Variants in UNC80 observed in about 807,000 individuals in gnomAD.
UNC80 encodes the protein unc-80 subunit of NALCN channel complex.
UNC80 carries 164 observed loss-of-function variants against 384.6 expected under a neutral mutation model. That is an observed-to-expected ratio of 0.43 (90% CI 0.38 to 0.49). The LOEUF is 0.49. Among genes scored for constraint, UNC80 ranks in the 20% least tolerant of loss-of-function variants. The pLI, the probability that UNC80 is intolerant of heterozygous loss-of-function variation, is 0.00. For missense variants in UNC80, 3,330 were observed against 4,143.0 expected, an observed-to-expected ratio of 0.80 and a Z score of 5.39; for synonymous variants, 1,486 against 1,527.8, an observed-to-expected ratio of 0.97 and a Z score of 0.64.
chr2:209,969,775 G>T lies in UNC80; in HGVS notation c.8014G>T (p.Val2672Phe). 6.4e-7 allele frequency: 1 copy of T among 1,551,676 alleles called. No homozygotes were observed. Among genetic ancestry groups the T allele is most frequent in the Admixed American group, 2.0e-5 (1 of 51,004 alleles). ...IHKMPTLRRQ[V>F]EWEPASNLIE... ...GCCTATATTGTATTCCAGGCGACAG[G>T]TTGAGTGGGAGCCTGCCAGCAATTT... Residue 2672 changes from valine to phenylalanine, a missense_variant, in exon 53 of 65, where the codon GTT becomes TTT. This residue lies in a region of UNC80 where 1,049 missense variants were observed against 1,488.6 expected (regional missense o/e 0.70). Coordinates refer to ENST00000673920, the MANE Select transcript of UNC80 (RefSeq NM_001371986.1).
At position 209,973,284 on chromosome 2, in the gene UNC80, C is replaced by G; in HGVS notation, c.8587+14C>G. The G allele has an allele frequency of 2.0e-6, 3 of 1,493,780 alleles. No individual in the cohort carries two copies. Among genetic ancestry groups the G allele is most frequent in the Non-Finnish European group, 2.7e-6 (3 of 1,107,660 alleles). 92.5% of individuals were successfully genotyped at this position (1,493,780 alleles called of 1,614,324 possible). On this transcript the variant is annotated intron_variant, in intron 56 of 64. Coordinates refer to ENST00000673920, the MANE Select transcript of UNC80 (RefSeq NM_001371986.1). Reference sequence around the variant, plus strand: ...CAGCATACTTGGGTTGGTACTTTCTCTCTCTCTCTCTCTGTTTGTGCATGT... The same window carrying G: ...CAGCATACTTGGGTTGGTACTTTCTGTCTCTCTCTCTCTGTTTGTGCATGT...
rs1309930722 is a variant in UNC80, at chr2:209,978,569, C to T, written c.8979C>T (p.Ser2993=). The T allele has an allele frequency of 2.6e-6, 4 of 1,551,102 alleles. No individual in the cohort carries two copies. Among genetic ancestry groups the T allele is most frequent in the Non-Finnish European group, 3.5e-6 (4 of 1,146,550 alleles). The change falls in exon 59 of 65, where the codon TCC becomes TCT. Residue 2993 remains serine, a synonymous_variant. Coordinates refer to ENST00000673920, the MANE Select transcript of UNC80 (RefSeq NM_001371986.1). ...CATCCATCAGTACCGTGGGCACCTC[C>T]ACCTCTGCTTACCGCCTGAGCTTGG... ...GKTSISTVGT[S]TSAYRLSLAT... is the part of the protein sequence containing the mutation.
At chr2:209,943,942 G>T (rs1395882913) in intron 45 of UNC80, among the ~76,000 whole-genome samples, 5 of 152,140 alleles carry the variant, frequency 3.3e-5, no homozygotes, top group Admixed American at 3.3e-4. Flanking sequence ...CCTGACTTAG[G>T]CTGGCTTCCT....
intron 39 of UNC80, among the ~76,000 whole-genome samples, chr2:209,935,173 A>G (rs917364535): frequency 6.6e-6 from 1 of 152,196 alleles, no homozygotes; most frequent in East Asian, 1.9e-4. Context: ...GAAATGCTTG[A>G]GGTTTGAATT....
chr2:209,946,042 A>G, intron 47 of UNC80, 99 bp downstream of exon 47: 2 of 889,858 alleles, frequency 2.2e-6, no homozygotes, highest in Non-Finnish European at 3.5e-6. Flanking sequence ...ATATCAGACT[A>G]ACATTCTGAC....
At chr2:209,913,577 G>A (rs1559318456) in intron 30 of UNC80, among the ~76,000 whole-genome samples, 2 of 152,218 alleles carry the variant, frequency 1.3e-5, no homozygotes, top group Non-Finnish European at 2.9e-5. Context: ...ATTTTGTGGT[G>A]AAAACGTCAT....
chr2:209,813,641 G>A lies in UNC80; in HGVS notation c.1000G>A (p.Val334Ile). The A allele has an allele frequency of 6.4e-7, 1 of 1,551,818 alleles. No homozygotes were observed. Among genetic ancestry groups the A allele is most frequent in the Non-Finnish European group, 8.7e-7 (1 of 1,147,028 alleles). ...SRYATYFDVA[V>I]LRCLLQPHWS... ...CTATGCCACCTACTTTGACGTTGCT[G>A]TTCTGCGCTGCCTACTTCAGCCCCA... The change falls in exon 8 of 65, where the codon GTT becomes ATT. Residue 334 changes from valine to isoleucine, a missense_variant. Around this residue, in one of 8 missense-constraint regions of UNC80, gnomAD observed 937 missense variants for 1,026.8 expected, o/e 0.91. Coordinates refer to ENST00000673920, the MANE Select transcript of UNC80 (RefSeq NM_001371986.1).
At chr2:209,861,328 T>C (rs2083330309) in intron 22 of UNC80, among the ~76,000 whole-genome samples, 1 of 152,252 alleles carries the variant, frequency 6.6e-6, no homozygotes, top group African/African-American at 2.4e-5. Context: ...TCTTTGGTTC[T>C]GTTTATGTGA....
rs981095852 is a variant in UNC80 at position 209,842,440 on chromosome 2, C to T, written c.3448C>T (p.Arg1150Cys). The change falls in exon 21 of 65, where the codon CGT becomes TGT. Residue 1150 changes from arginine to cysteine, a missense_variant. Physicochemically the swap from Arg to Cys is radical, Grantham distance 180. Transcript: ENST00000673920. The stretch of plus-strand genomic sequence containing the variant: ...AGATGAAGAGGAGAATTTCTTCAAG[C>T]GTCTTGGTAAATGTCATGCATCCTA... ...GRDEEENFFK[R>C]LGCHSFDDHL... 7.1e-6 allele frequency: 11 copies of T among 1,547,752 alleles called. No individual in the cohort carries two copies. The highest frequency in any genetic ancestry group is 3.6e-5 in the South Asian group (3 of 83,820).
In UNC80 at chr2:209,921,072, C is replaced by T. The variant is rs538863561; in HGVS notation, c.5344-428C>T. ...CGAACTCCTCACCTCAAGTGATCCA[C>T]CCGCCTCAGCCTTCCAAAGTGCTAG... On this transcript the variant is annotated intron_variant, in intron 33 of 64. Coordinates refer to ENST00000673920, the MANE Select transcript of UNC80 (RefSeq NM_001371986.1). 8.8e-4 allele frequency among the ~76,000 whole-genome samples: 134 copies of T among 152,318 alleles called. 3 individuals carry two copies. The South Asian group carries it at 0.026, about 30-fold the overall frequency.
chr2:209,827,451 T>C lies in UNC80; in HGVS notation c.2478+1398T>C, dbSNP rs550790243. Among the ~76,000 whole-genome samples, 3 of 152,288 alleles carry C rather than the reference T, an allele frequency of 2.0e-5. No homozygotes were observed. In the East Asian group the frequency reaches 5.8e-4, roughly 29 times the overall value. On this transcript the variant is annotated intron_variant, in intron 14 of 64. Coordinates refer to ENST00000673920, the MANE Select transcript of UNC80 (RefSeq NM_001371986.1). ...CAGGGTGAGTTGGATCGGAAGCCAT[T>C]TGAGGAGCTGTTGTTATCACTTAGT...
At chr2:209,858,164 T>C (rs1338493278) in intron 22 of UNC80, among the ~76,000 whole-genome samples, 1 of 152,210 alleles carries the variant, frequency 6.6e-6, no homozygotes, top group Non-Finnish European at 1.5e-5. Flanking sequence ...GATGACATTT[T>C]TTGTTTTATT....
At chr2:209,822,903 G>A (rs904487850) in intron 13 of UNC80, among the ~76,000 whole-genome samples, 6 of 152,094 alleles carry the variant, frequency 3.9e-5, no homozygotes, top group African/African-American at 1.4e-4. Flanking sequence ...CAGCCACCAA[G>A]ATAGATATGT....
chr2:209,929,719 G>A (rs2090703773), intron 36 of UNC80, among the ~76,000 whole-genome samples, 152 bp from the exon 37 acceptor site: 1 of 152,148 alleles, frequency 6.6e-6, no homozygotes, highest in Non-Finnish European at 1.5e-5. Context: ...CAACAACGAA[G>A]AGAACAAACA....
rs2081554606 is a variant in UNC80 at position 209,839,111 on chromosome 2, A to G, written c.3042-111A>G. The G allele has an allele frequency of 1.0e-6, 1 of 971,172 alleles. No individual in the cohort carries two copies. Among genetic ancestry groups the G allele is most frequent in the African/African-American group, 1.6e-5 (1 of 61,512 alleles). The allele number at this position is 971,172 out of a possible 1,614,324, so 60.2% of individuals were successfully genotyped here. A position where few individuals can be genotyped will look rare whatever the true frequency, so the allele number is the denominator to read the frequency against. ...CTCTTCCCACATTTCAGCCCATCAA[A>G]GATCATTTTGCATGATTTGCCTAAA... On this transcript the variant is annotated intron_variant, in intron 18 of 64. Transcript: ENST00000673920. The surrounding 1 kb of genome is among the most constrained non-coding windows in gnomAD (Gnocchi z 4.1).
chr2:209,829,618 G>A (rs1470085000), intron 15 of UNC80, among the ~76,000 whole-genome samples: 1 of 152,160 alleles, frequency 6.6e-6, no homozygotes, highest in African/African-American at 2.4e-5. Context: ...GTTTGGTAAA[G>A]CTTGTGGAGT....
chr2:209,808,527 A>C (rs79612042), intron 7 of UNC80, among the ~76,000 whole-genome samples: 1 of 149,828 alleles, frequency 6.7e-6, no homozygotes, highest in African/African-American at 2.4e-5. Flanking sequence ...GCGCCACTAA[A>C]AAAAAAAAAA....
rs2080059535 is a variant in UNC80, at chr2:209,820,542, C to T, written c.2194C>T (p.Pro732Ser). The stretch of plus-strand genomic sequence containing the variant: ...AAGTTCCACCTGTGGATTCGGAGGC[C>T]CTGCTGTTAGTGGAGCTGGAGATGG... ...SGSSTCGFGG[P>S]AVSGAGDGGG... The change falls in exon 13 of 65, where the codon CCT becomes TCT. Residue 732 changes from proline (P) to serine (S), a missense_variant. Physicochemically the swap from Pro to Ser is moderately conservative, Grantham distance 74. Transcript: ENST00000673920. 1.9e-6 allele frequency: 3 copies of T among 1,550,478 alleles called. No homozygotes were observed. Among genetic ancestry groups the T allele is most frequent in the Non-Finnish European group, 2.6e-6 (3 of 1,146,760 alleles).
intron 22 of UNC80, among the ~76,000 whole-genome samples, chr2:209,863,087 T>G (rs536061273): frequency 6.6e-6 from 1 of 152,336 alleles, no homozygotes; most frequent in Middle Eastern, 3.4e-3. Context: ...TCTCCTTTGC[T>G]TATAAAGCTT....
Sources: allele counts gnomAD v4.1 joint callset (sites outside exome capture counted in the v4.1 genomes callset), GRCh38; gene constraint gnomAD v4.1.1; regional missense constraint gnomAD v4.1.1; non-coding constraint Gnocchi (gnomAD v3.1); transcripts MANE v1.5; gene names NCBI Gene and HGNC (gene_info 2026-07-23, HGNC 2026-07-21).